IL1RAPL2: variants seen among roughly 807,000 people sequenced by gnomAD.
IL1RAPL2 encodes the protein X-linked interleukin-1 receptor accessory protein-like 2.
IL1RAPL2 carries 3 observed loss-of-function variants against 44.1 expected under a neutral mutation model. The ratio of observed to expected loss-of-function variants is 0.07; its 90% CI spans 0.03 to 0.18. The LOEUF is 0.18. Among genes scored for constraint, IL1RAPL2 ranks in the 10% least tolerant of loss-of-function variants. The pLI, the probability that IL1RAPL2 is intolerant of heterozygous loss-of-function variation, is 1.00. For missense variants in IL1RAPL2, 391 were observed against 496.4 expected (o/e 0.79, Z 2.02); for synonymous variants, 181 against 178.8 (o/e 1.01, Z -0.10).
chrX:105,449,743 C>CAA (rs758801967), intron 5 of IL1RAPL2, among the ~76,000 whole-genome samples: 22 of 102,959 alleles, frequency 2.1e-4, no homozygotes, highest in African/African-American at 7.8e-4. Flanking sequence ...GAGATTCCGT[C>CAA]AAAAAAAAAA....
At chrX:104,891,365 A>G (rs992761303) in intron 2 of IL1RAPL2, among the ~76,000 whole-genome samples, 16 of 112,180 alleles carry the variant, frequency 1.4e-4, no homozygotes, top group Admixed American at 2.8e-4. Flanking sequence ...TGGGGATCGC[A>G]TTGAATCTAT....
intron 6 of IL1RAPL2, among the ~76,000 whole-genome samples, chrX:105,554,518 G>A (rs1223512253): frequency 9.0e-6 from 1 of 111,344 alleles, no homozygotes; most frequent in Non-Finnish European, 1.9e-5. Flanking sequence ...TAATTTTTCA[G>A]TGTTCCCACC....
intron 4 of IL1RAPL2, among the ~76,000 whole-genome samples, chrX:105,261,925 C>T (rs771820800): frequency 3.6e-5 from 4 of 111,837 alleles, no homozygotes; most frequent in Non-Finnish European, 7.5e-5. Flanking sequence ...TTCTCAGCTT[C>T]TCTCCCACCC....
chrX:105,056,126 T>A (rs763991153), intron 2 of IL1RAPL2, among the ~76,000 whole-genome samples: 1 of 112,027 alleles, frequency 8.9e-6, no homozygotes, highest in South Asian at 3.8e-4. Flanking sequence ...CTACATATAT[T>A]TCTTATGAAT....
chrX:105,272,340 CAAG>C (rs2034453897), intron 5 of IL1RAPL2, among the ~76,000 whole-genome samples: 1 of 111,823 alleles, frequency 8.9e-6, no homozygotes, highest in Non-Finnish European at 1.9e-5. Context: ...AAAATGGACA[CAAG>C]AAGGAAGCCA....
chrX:105,224,743 A>G (rs782198829), intron 3 of IL1RAPL2, among the ~76,000 whole-genome samples: 1 of 112,094 alleles, frequency 8.9e-6, no homozygotes, highest in Non-Finnish European at 1.9e-5. Context: ...ATGCAAAAAT[A>G]TCAGTGTAAT....
In IL1RAPL2 at chrX:105,353,414, G is replaced by T. The variant is rs192629863; in HGVS notation, c.697+85873G>T. Among the ~76,000 whole-genome samples the T allele has an allele frequency of 4.9e-3, 545 of 111,387 alleles. 5 individuals are homozygous for T. The highest frequency in any genetic ancestry group is 0.017 in the African/African-American group (524 of 30,627). ...GCTTAGAATTGACTTGGCAACGCGGGCTCTTTTTTGGTTCCATATGAACTT... is the reference window on the plus strand; with the variant it reads ...GCTTAGAATTGACTTGGCAACGCGGTCTCTTTTTTGGTTCCATATGAACTT... On this transcript the variant is annotated intron_variant, in intron 5 of 10. Coordinates refer to ENST00000372582, the MANE Select transcript of IL1RAPL2 (RefSeq NM_017416.2).
At position 105,767,106 on chromosome X, in the gene IL1RAPL2, C is replaced by A; in HGVS notation, c.1506C>A (p.Ile502=). ...RLHNMLVSGE[I]KVILIECTEL... is the part of the protein sequence containing the mutation. Reference sequence around the variant, plus strand: ...ATAACATGCTAGTCAGTGGAGAAATCAAAGTGATTTTGATTGAGTGTACAG... The same window carrying A: ...ATAACATGCTAGTCAGTGGAGAAATAAAAGTGATTTTGATTGAGTGTACAG... The change falls in exon 11 of 11, where the codon ATC becomes ATA. Residue 502 remains isoleucine (I), a synonymous_variant. Coordinates refer to ENST00000372582, the MANE Select transcript of IL1RAPL2 (RefSeq NM_017416.2). 1 of 1,210,729 alleles carries A rather than the reference C, an allele frequency of 8.3e-7. No homozygotes were observed. The highest frequency in any genetic ancestry group is 2.3e-4 in the Middle Eastern group (1 of 4,349).
At chrX:105,211,473 T>G (rs1018194522) in intron 3 of IL1RAPL2, among the ~76,000 whole-genome samples, 4 of 111,100 alleles carry the variant, frequency 3.6e-5, no homozygotes, top group Non-Finnish European at 7.6e-5. Context: ...CAGGCCTGTT[T>G]TGATTGTTTG....
intron 2 of IL1RAPL2, among the ~76,000 whole-genome samples, chrX:104,984,533 T>C (rs762625738): frequency 2.0e-4 from 22 of 111,847 alleles, no homozygotes; most frequent in African/African-American, 2.6e-4. Context: ...GAGCATATAG[T>C]TTCAAATGAA....
chrX:105,498,530 A>G (rs1031939651), intron 6 of IL1RAPL2, among the ~76,000 whole-genome samples: 1 of 111,174 alleles, frequency 9.0e-6, no homozygotes, highest in African/African-American at 3.3e-5. Flanking sequence ...TTTTTGCAGT[A>G]GATAAATCAA....
chrX:105,510,613 T>A (rs2036462597), intron 6 of IL1RAPL2, among the ~76,000 whole-genome samples: 1 of 111,488 alleles, frequency 9.0e-6, no homozygotes, highest in African/African-American at 3.3e-5. Context: ...TTACCTTGTG[T>A]TATCTGAGTG....
intron 6 of IL1RAPL2, among the ~76,000 whole-genome samples, chrX:105,702,421 T>C (rs753817563): frequency 1.1e-4 from 12 of 110,660 alleles, no homozygotes; most frequent in African/African-American, 3.6e-4. Flanking sequence ...GCCAGAAAAT[T>C]TGCAGTATGG....
At chrX:104,610,319 T>C (rs1040391265) in intron 1 of IL1RAPL2, among the ~76,000 whole-genome samples, 6 of 110,740 alleles carry the variant, frequency 5.4e-5, no homozygotes, top group Non-Finnish European at 1.1e-4. Context: ...GGGTATTCAA[T>C]TAGGAGAAGA....
intron 2 of IL1RAPL2, among the ~76,000 whole-genome samples, chrX:104,937,209 T>G (rs1278161377): frequency 1.8e-5 from 2 of 112,524 alleles, no homozygotes; most frequent in African/African-American, 6.5e-5. Flanking sequence ...AAGAAATGTA[T>G]TTATTAGGAT....
intron 5 of IL1RAPL2, among the ~76,000 whole-genome samples, chrX:105,427,772 T>C (rs771238947): frequency 1.2e-4 from 13 of 111,608 alleles, no homozygotes; most frequent in Non-Finnish European, 2.1e-4. Context: ...ATTTAGATTA[T>C]GGTTTAAGAC....
At chrX:105,506,751 T>A (rs181920649) in intron 6 of IL1RAPL2, among the ~76,000 whole-genome samples, 14 of 111,991 alleles carry the variant, frequency 1.3e-4, no homozygotes, top group African/African-American at 4.2e-4. Context: ...TAAGATCAAA[T>A]GAGACGTCAG....
rs777661961 is a variant in IL1RAPL2 at position 104,950,100 on chromosome X, G to T, written c.83-245375G>T. The stretch of plus-strand genomic sequence containing the variant: ...AAGGACTTGCTTTATGAATCTGGGT[G>T]CTCCTGTATTGGGTGCGTATATATT... On this transcript the variant is annotated intron_variant, in intron 2 of 10. Coordinates refer to ENST00000372582, the MANE Select transcript of IL1RAPL2 (RefSeq NM_017416.2). Among the ~76,000 whole-genome samples the T allele has an allele frequency of 4.1e-4, 46 of 111,385 alleles. No homozygotes were observed. In the South Asian group the frequency reaches 0.016, roughly 38 times the overall value.
chrX:105,553,930 T>C (rs1236532869), intron 6 of IL1RAPL2, among the ~76,000 whole-genome samples: 1 of 112,903 alleles, frequency 8.9e-6, no homozygotes. Context: ...CCTTTCCCAA[T>C]TTTGAAAAGC....
Sources: gnomAD v4.1 joint callset for allele counts (sites outside exome capture counted in the v4.1 genomes callset) on GRCh38, gnomAD v4.1.1 for gene constraint, MANE v1.5 for transcripts, NCBI Gene and HGNC (gene_info 2026-07-23, HGNC 2026-07-21) for gene names.